The following RNF2 variants were observed in gnomAD, a reference collection of about 807,000 sequenced individuals.
RNF2 encodes the protein E3 ubiquitin-protein ligase RING2.
In RNF2, 6 loss-of-function variants were observed where a neutral mutation model predicts 37.2. That is an observed-to-expected ratio of 0.16 (90% CI 0.09 to 0.32). RNF2 has a LOEUF of 0.32. Among genes scored for constraint, RNF2 ranks in the 10% least tolerant of loss-of-function variants. RNF2 has a pLI of 1.00. For synonymous variants in RNF2, 133 were observed against 132.7 expected, an observed-to-expected ratio of 1.00 and a Z score of -0.02; for missense variants, 251 against 404.0, an observed-to-expected ratio of 0.62 and a Z score of 3.25.
At chr1:185,096,618 G>A (rs1258610346) in intron 4 of RNF2, among the ~76,000 whole-genome samples, 1 of 151,662 alleles carries the variant, frequency 6.6e-6, no homozygotes, top group Non-Finnish European at 1.5e-5. Flanking sequence ...CTTGACTGTA[G>A]GCCACCAAGT....
intron 1 of RNF2, among the ~76,000 whole-genome samples, chr1:185,078,257 A>G (rs138949005): frequency 7.2e-5 from 11 of 152,322 alleles, no homozygotes; most frequent in South Asian, 2.1e-4. Flanking sequence ...AAATCAGTCA[A>G]TCATGTAGTT....
chr1:185,047,169 C>T (rs571512664), intron 1 of RNF2, among the ~76,000 whole-genome samples: 6 of 152,296 alleles, frequency 3.9e-5, no homozygotes, highest in African/African-American at 1.2e-4. Context: ...TTATTTTCCT[C>T]AGGTATCCTT....
chr1:185,065,035 T>C (rs1318352434), intron 1 of RNF2, among the ~76,000 whole-genome samples: 1 of 152,194 alleles, frequency 6.6e-6, no homozygotes, highest in African/African-American at 2.4e-5. Flanking sequence ...CAGCTGGACT[T>C]CTGGGTCGGG....
At chr1:185,069,761 A>T (rs1650912748) in intron 1 of RNF2, among the ~76,000 whole-genome samples, 1 of 152,234 alleles carries the variant, frequency 6.6e-6, no homozygotes, top group South Asian at 2.1e-4. Context: ...CTAATTTCTA[A>T]TGAAATTTAA....
At chr1:185,093,341 T>A in intron 4 of RNF2, 65 bp downstream of exon 4, 1 of 1,481,048 alleles carries the variant, frequency 6.8e-7, no homozygotes, top group East Asian at 2.4e-5. Context: ...CAATTAAATT[T>A]ACTTTTTGAA....
chr1:185,068,191 G>C (rs1228350646), intron 1 of RNF2, among the ~76,000 whole-genome samples: 1 of 152,186 alleles, frequency 6.6e-6, no homozygotes, highest in East Asian at 1.9e-4. Flanking sequence ...TAAGGAAACA[G>C]CATGTATGCA....
intron 1 of RNF2, among the ~76,000 whole-genome samples, chr1:185,060,916 C>G (rs1275742778): frequency 3.3e-5 from 5 of 152,004 alleles, no homozygotes; most frequent in African/African-American, 1.2e-4. Flanking sequence ...GCCAGGAGTT[C>G]AATACCAGCC....
intron 1 of RNF2, among the ~76,000 whole-genome samples, chr1:185,069,688 G>A (rs1388032722): frequency 6.6e-6 from 1 of 152,120 alleles, no homozygotes; most frequent in African/African-American, 2.4e-5. Flanking sequence ...TCCTCTCAAA[G>A]ATTGGGTATG....
intron 2 of RNF2, among the ~76,000 whole-genome samples, chr1:185,089,829 C>T (rs557328758): frequency 7.9e-5 from 12 of 151,870 alleles, no homozygotes; most frequent in Non-Finnish European, 1.0e-4. Context: ...CAGGAGTTTG[C>T]GGCCAGCCTG....
intron 1 of RNF2, among the ~76,000 whole-genome samples, chr1:185,055,563 C>T (rs1185358173): frequency 2.0e-5 from 3 of 152,058 alleles, no homozygotes; most frequent in Non-Finnish European, 4.4e-5. Flanking sequence ...TACAGGCGAG[C>T]GCCACCACGC....
At chr1:185,095,387 A>G (rs370095160) in intron 4 of RNF2, among the ~76,000 whole-genome samples, 4 of 152,138 alleles carry the variant, frequency 2.6e-5, no homozygotes, top group African/African-American at 9.7e-5. Flanking sequence ...ACACTACTCT[A>G]TTTCAGGAAC....
chr1:185,062,224 T>C (rs1650627909), intron 1 of RNF2, among the ~76,000 whole-genome samples: 1 of 152,196 alleles, frequency 6.6e-6, no homozygotes, highest in Admixed American at 6.5e-5. Context: ...TGTTCATATT[T>C]TGTAACCTTA....
chr1:185,052,528 T>C (rs769956863), intron 1 of RNF2, among the ~76,000 whole-genome samples: 5 of 152,186 alleles, frequency 3.3e-5, no homozygotes, highest in Admixed American at 6.5e-5. Flanking sequence ...AATCCATAGA[T>C]TGGTGGTTGC....
At chr1:185,074,842 G>A (rs752331698) in intron 1 of RNF2, among the ~76,000 whole-genome samples, 2 of 152,178 alleles carry the variant, frequency 1.3e-5, no homozygotes, top group African/African-American at 2.4e-5. Flanking sequence ...AGGAGGGTAT[G>A]TGTAAGTTAT....
At chr1:185,098,445 C>T in intron 5 of RNF2, 101 bp downstream of exon 5, 2 of 1,355,150 alleles carry the variant, frequency 1.5e-6, no homozygotes, top group Non-Finnish European at 2.0e-6. Context: ...TTTGTCATCC[C>T]ATTGATTGCA....
At chr1:185,080,231 G>A (rs1317794844) in intron 1 of RNF2, among the ~76,000 whole-genome samples, 1 of 152,098 alleles carries the variant, frequency 6.6e-6, no homozygotes, top group Non-Finnish European at 1.5e-5. Flanking sequence ...ATACATAGGT[G>A]ACTCTCAGAT....
At chr1:185,074,880 G>A (rs1651099015) in intron 1 of RNF2, among the ~76,000 whole-genome samples, 1 of 152,154 alleles carries the variant, frequency 6.6e-6, no homozygotes, top group Admixed American at 6.6e-5. Context: ...TTTTATATAA[G>A]GGACTTGAGT....
chr1:185,077,680 A>G (rs1387180584), intron 1 of RNF2, among the ~76,000 whole-genome samples: 1 of 136,186 alleles, frequency 7.3e-6, no homozygotes, highest in African/African-American at 2.9e-5. Context: ...CCTGACAACT[A>G]AATTGTACTT....
chr1:185,068,305 A>G lies in RNF2; in HGVS notation c.-2-19247A>G, dbSNP rs1187253342. On this transcript the variant is annotated intron_variant, in intron 1 of 6. Transcript: ENST00000367510. ...GTGGTAGGCTGAAAAATGTCCCCCA[A>G]AAGATATCTACATTCTGGTCTCTGG... Among the ~76,000 whole-genome samples the G allele has an allele frequency of 2.0e-5, 3 of 152,148 alleles. No homozygotes were observed. In the South Asian group the frequency reaches 6.2e-4, roughly 32 times the overall value.
Sources: gnomAD v4.1 joint callset for allele counts (sites outside exome capture counted in the v4.1 genomes callset) on GRCh38, gnomAD v4.1.1 for gene constraint, MANE v1.5 for transcripts, NCBI Gene and HGNC (gene_info 2026-07-23, HGNC 2026-07-21) for gene names.